The following ATP1B3 variants were observed in gnomAD, a reference collection of about 807,000 sequenced individuals.
ATP1B3 encodes ATPase Na+/K+ transporting subunit beta 3, also known as sodium/potassium-transporting ATPase subunit beta-3.
In ATP1B3, 10 loss-of-function variants were observed where a neutral mutation model predicts 30.2. The observed-to-expected ratio is 0.33, with a 90% CI of 0.20 to 0.56. The LOEUF is 0.56. Among genes scored for constraint, ATP1B3 ranks in the 20% least tolerant of loss-of-function variants. The pLI, the probability that ATP1B3 is intolerant of heterozygous loss-of-function variation, is 0.90. For missense variants in ATP1B3, 238 were observed against 336.7 expected, an observed-to-expected ratio of 0.71 and a Z score of 2.29; for synonymous variants, 113 against 117.0, an observed-to-expected ratio of 0.97 and a Z score of 0.22.
rs1171346152 is a variant in ATP1B3, at chr3:141,925,536, G to A, written c.675G>A (p.Gly225=). 1.3e-6 allele frequency: 2 copies of A among 1,599,986 alleles called. No homozygotes were observed. Among genetic ancestry groups the A allele is most frequent in the East Asian group, 2.2e-5 (1 of 44,728 alleles). Residue 225 remains glycine (G), a synonymous_variant, in exon 7 of 7, where the codon GGG becomes GGA. Transcript: ENST00000286371. The part of the protein sequence containing the change: ...FPYYGKKLHV[G]YLQPLVAVQV... ...TATTTTCCTTTTATTGCCAGGTTGG[G>A]TATCTACAGCCATTGGTTGCTGTTC...
At chr3:141,899,553 T>G (rs1934123785) in intron 1 of ATP1B3, among the ~76,000 whole-genome samples, 1 of 152,092 alleles carries the variant, frequency 6.6e-6, no homozygotes, top group African/African-American at 2.4e-5. Flanking sequence ...GTGTCCAGAT[T>G]ATGTGTGCTG....
In ATP1B3 at chr3:141,876,750, C is replaced by G. The variant is rs1340592525; in HGVS notation, c.-52C>G. The G allele has an allele frequency of 1.4e-6, 2 of 1,459,246 alleles. No homozygotes were observed. Among genetic ancestry groups the G allele is most frequent in the Non-Finnish European group, 1.9e-6 (2 of 1,060,662 alleles). 90.4% of individuals were successfully genotyped at this position (1,459,246 alleles called of 1,614,324 possible). On this transcript the variant is annotated 5_prime_UTR_variant, in exon 1 of 7. Coordinates refer to ENST00000286371, the MANE Select transcript of ATP1B3 (RefSeq NM_001679.4). ...AGCCGGGACGCGCCTCCGCAGCCCT[C>G]GCCGCCTCCATCCCCGCGGCCGCAG...
At chr3:141,889,934 A>G (rs1933910337) in intron 1 of ATP1B3, among the ~76,000 whole-genome samples, 2 of 150,954 alleles carry the variant, frequency 1.3e-5, no homozygotes, top group Non-Finnish European at 2.9e-5. Flanking sequence ...TATTATAACA[A>G]TATTGTACAA....
At chr3:141,887,156 C>T (rs967500308) in intron 1 of ATP1B3, among the ~76,000 whole-genome samples, 1 of 152,208 alleles carries the variant, frequency 6.6e-6, no homozygotes, top group African/African-American at 2.4e-5. Context: ...GTGTTTGTTG[C>T]AACTACCTAA....
At chr3:141,913,875 ATAT>A in intron 4 of ATP1B3, 39 bp downstream of exon 4, 1 of 1,540,764 alleles carries the variant, frequency 6.5e-7, no homozygotes, top group Non-Finnish European at 8.7e-7. Flanking sequence ...CTTTTTTCTA[ATAT>A]TCTCTTTTAA....
chr3:141,918,548 C>G (rs961743133), intron 5 of ATP1B3, among the ~76,000 whole-genome samples: 2 of 151,826 alleles, frequency 1.3e-5, no homozygotes, highest in Non-Finnish European at 2.9e-5. Flanking sequence ...AAGCGATTCT[C>G]CTGCCTCAGC....
At chr3:141,877,499 T>C (rs1933628726) in intron 1 of ATP1B3, 1 of 152,364 alleles carries the variant, frequency 6.6e-6, no homozygotes, top group African/African-American at 2.4e-5. Flanking sequence ...GGTGAGTTAA[T>C]CACAGAAGTA....
intron 1 of ATP1B3, among the ~76,000 whole-genome samples, chr3:141,889,234 A>T (rs913665337): frequency 6.6e-6 from 1 of 151,980 alleles, no homozygotes; most frequent in Non-Finnish European, 1.5e-5. Flanking sequence ...TTGAGATGAG[A>T]TTTGGGTGGA....
chr3:141,877,311 C>T (rs1252735941), intron 1 of ATP1B3, among the ~76,000 whole-genome samples: 1 of 152,014 alleles, frequency 6.6e-6, no homozygotes, highest in Admixed American at 6.5e-5. Context: ...CCGAGAGGCC[C>T]TGGCGGAGGC....
chr3:141,911,684 A>G (rs1559871980), intron 3 of ATP1B3, among the ~76,000 whole-genome samples: 1 of 152,104 alleles, frequency 6.6e-6, no homozygotes, highest in African/African-American at 2.4e-5. Flanking sequence ...TAGTAGAGAC[A>G]GGGTTTCACC....
intron 5 of ATP1B3, among the ~76,000 whole-genome samples, chr3:141,917,025 T>C (rs1456076285): frequency 6.6e-6 from 1 of 151,020 alleles, no homozygotes; most frequent in African/African-American, 2.4e-5. Flanking sequence ...TAATTTTTTT[T>C]TTTTTTTTTT....
At chr3:141,906,400 G>A (rs571991037) in intron 2 of ATP1B3, among the ~76,000 whole-genome samples, 3 of 152,132 alleles carry the variant, frequency 2.0e-5, no homozygotes, top group Admixed American at 6.6e-5. Context: ...GGCTGGTCTC[G>A]ACCTCCTGAC....
chr3:141,910,620 T>G (rs1391611443), intron 3 of ATP1B3, among the ~76,000 whole-genome samples: 2 of 152,122 alleles, frequency 1.3e-5, no homozygotes, highest in African/African-American at 4.8e-5. Context: ...AGGTATTTTC[T>G]TGAGTCTCTT....
At chr3:141,902,079 C>G in intron 1 of ATP1B3, 1 of 1,224,224 alleles carries the variant, frequency 8.2e-7, no homozygotes, top group African/African-American at 1.6e-5. Flanking sequence ...TGTTTCATTT[C>G]CCTCTATAGC....
At chr3:141,893,900 A>G (rs759362577) in intron 1 of ATP1B3, among the ~76,000 whole-genome samples, 5 of 152,162 alleles carry the variant, frequency 3.3e-5, no homozygotes, top group African/African-American at 7.2e-5. Flanking sequence ...CATTGATTTC[A>G]TTGTTGTGCA....
intron 1 of ATP1B3, among the ~76,000 whole-genome samples, chr3:141,886,860 G>A (rs1933843894): frequency 6.6e-6 from 1 of 152,094 alleles, no homozygotes; most frequent in South Asian, 2.1e-4. Flanking sequence ...AAAATTAGCT[G>A]GCTGTGTTAG....
intron 3 of ATP1B3, among the ~76,000 whole-genome samples, chr3:141,910,818 T>C (rs920487535): frequency 6.6e-6 from 1 of 151,762 alleles, no homozygotes; most frequent in Non-Finnish European, 1.5e-5. Context: ...TCTCTTAATT[T>C]ACTCCTTAGT....
intron 5 of ATP1B3, among the ~76,000 whole-genome samples, chr3:141,917,459 G>A (rs984855532): frequency 1.3e-5 from 2 of 151,938 alleles, no homozygotes; most frequent in Admixed American, 1.3e-4. Context: ...ACTTTGGGAG[G>A]CTGAGGCAGG....
intron 6 of ATP1B3, among the ~76,000 whole-genome samples, chr3:141,922,407 C>CT (rs1247517079): frequency 6.6e-6 from 1 of 151,802 alleles, no homozygotes; most frequent in Non-Finnish European, 1.5e-5. Context: ...AATCACAGCA[C>CT]TTTGAGAGGC....
Sources: gnomAD v4.1 joint callset for allele counts (sites outside exome capture counted in the v4.1 genomes callset) on GRCh38, gnomAD v4.1.1 for gene constraint, MANE v1.5 for transcripts, NCBI Gene and HGNC (gene_info 2026-07-23, HGNC 2026-07-21) for gene names.